The following PRUNE2 variants were observed in gnomAD, a reference collection of about 807,000 sequenced individuals.
PRUNE2 encodes the protein prune homolog 2 with BCH domain, also known as protein prune homolog 2.
Under a neutral mutation model 252.0 loss-of-function variants are expected in PRUNE2, and 164 were observed. That is an observed-to-expected ratio of 0.65 (90% CI 0.57 to 0.74). The LOEUF (loss-of-function observed/expected upper bound fraction) is 0.74, where lower values mean the gene tolerates loss of function less well. Ranked by LOEUF, PRUNE2 falls within the 30% of genes least tolerant of loss-of-function variation. The pLI, the probability that PRUNE2 is intolerant of heterozygous loss-of-function variation, is 0.00. For synonymous variants in PRUNE2, 1,292 were observed against 1,350.2 expected (o/e 0.96, Z 0.94); for missense variants, 3,495 against 3,711.0 (o/e 0.94, Z 1.51).
intron 4 of PRUNE2, among the ~76,000 whole-genome samples, chr9:76,840,768 G>A (rs567322719): frequency 1.3e-5 from 2 of 152,288 alleles, no homozygotes; most frequent in South Asian, 4.1e-4. Flanking sequence ...ATCACCTGAG[G>A]TCAGGAGTTC....
At position 76,831,999 on chromosome 9, in the gene PRUNE2, G is replaced by C. The variant is rs901554636; in HGVS notation, c.509-5267C>G. 1.3e-4 allele frequency among the ~76,000 whole-genome samples: 20 copies of C among 152,186 alleles called. No individual in the cohort carries two copies. The South Asian group carries it at 3.9e-3, about 30-fold the overall frequency. Reference sequence around the variant, plus strand: ...TCAAACAAAACGGACTACAAAACAAGAAGAATTACATGAGATTAAGATAAA... The same window carrying C: ...TCAAACAAAACGGACTACAAAACAACAAGAATTACATGAGATTAAGATAAA... On this transcript the variant is annotated intron_variant, in intron 4 of 18. Transcript: ENST00000376718.
chr9:76,637,519 T>G lies in PRUNE2; in HGVS notation c.8862A>C (p.Val2954=). The change falls in exon 14 of 19, where the codon GTA becomes GTC. Residue 2954 remains valine (V), a synonymous_variant. Coordinates refer to ENST00000376718, the MANE Select transcript of PRUNE2 (RefSeq NM_015225.3). Reference sequence around the variant, plus strand: ...AGTACACAATCATATAGTCTTCAGCTACCATCAACTCTAAAGTACTTATTA... The same window carrying G: ...AGTACACAATCATATAGTCTTCAGCGACCATCAACTCTAAAGTACTTATTA... ...LYVISTLELM[V]AEDYMIVYLN... The G allele has an allele frequency of 6.2e-7, 1 of 1,613,392 alleles. No homozygotes were observed. The highest frequency in any genetic ancestry group is 1.1e-5 in the South Asian group (1 of 91,074).
At chr9:76,662,577 G>T (rs1314873387) in intron 9 of PRUNE2, among the ~76,000 whole-genome samples, 9 of 152,182 alleles carry the variant, frequency 5.9e-5, no homozygotes, top group African/African-American at 2.2e-4. Flanking sequence ...AACAGGAAAT[G>T]AGCAGTGAGC....
At chr9:76,826,477 A>C in intron 5 of PRUNE2, 103 bp downstream of exon 5, 1 of 907,320 alleles carries the variant, frequency 1.1e-6, no homozygotes, top group South Asian at 2.0e-5. Flanking sequence ...TGTATAAAAA[A>C]CAAACAAAGA....
intron 12 of PRUNE2, among the ~76,000 whole-genome samples, chr9:76,638,787 C>T (rs6560537): frequency 0.85 from 128,961 of 152,204 alleles, 54,935 homozygotes; most frequent in African/African-American, 0.93. Context: ...TGAAGTGCAA[C>T]ATAATCTCTC....
Position 76,692,396 on chromosome 9 carries a change from G to A in PRUNE2, c.8276+10941C>T, listed in dbSNP as rs375729426. 2.7e-5 allele frequency: 13 copies of A among 490,312 alleles called. No homozygotes were observed. The East Asian group carries it at 3.2e-4, about 12-fold the overall frequency. 30.4% of individuals were successfully genotyped at this position (490,312 alleles called of 1,614,324 possible). On this transcript the variant is annotated intron_variant, in intron 9 of 18. Coordinates refer to ENST00000376718, the MANE Select transcript of PRUNE2 (RefSeq NM_015225.3). ...GAAAACTGCTGCTACTCCTGCTCCC[G>A]AGTGAGACTGGATGTGAATGGGCTC...
In PRUNE2 at chr9:76,652,578, G is replaced by C. The variant is rs1206898432; in HGVS notation, c.8462C>G (p.Ser2821Cys). ...ATCTGGACTGTCCAAGTTATCATCAGAGAGAATAGATCCTTCACTTTGGTC... is the reference window on the plus strand; with the variant it reads ...ATCTGGACTGTCCAAGTTATCATCACAGAGAATAGATCCTTCACTTTGGTC... Reference protein sequence around the residue: ...SLDQSEGSILSDDNLDSPDEI... With the variant: ...SLDQSEGSILCDDNLDSPDEI... Residue 2821 changes from serine to cysteine, a missense_variant, in exon 11 of 19, where the codon TCT (serine) becomes TGT (cysteine). Transcript: ENST00000376718. 6.2e-7 allele frequency: 1 copy of C among 1,612,834 alleles called. No individual in the cohort carries two copies. Among genetic ancestry groups the C allele is most frequent in the Admixed American group, 1.7e-5 (1 of 59,992 alleles).
chr9:76,783,287 C>A (rs189799429), intron 6 of PRUNE2, among the ~76,000 whole-genome samples: 3 of 152,176 alleles, frequency 2.0e-5, no homozygotes, highest in African/African-American at 7.2e-5. Flanking sequence ...CAGGCATGCA[C>A]CAGCACGCCC....
chr9:76,837,962 G>A (rs958221587), intron 4 of PRUNE2, among the ~76,000 whole-genome samples: 235 of 151,688 alleles, frequency 1.5e-3, no homozygotes, highest in Non-Finnish European at 2.4e-3. Context: ...TAGTAGAGAC[G>A]GGGTTTCACC....
At chr9:76,749,958 T>C (rs2050469388) in intron 6 of PRUNE2, among the ~76,000 whole-genome samples, 1 of 152,108 alleles carries the variant, frequency 6.6e-6, no homozygotes, top group African/African-American at 2.4e-5. Flanking sequence ...TCCCTTAGAA[T>C]TTCCCGGGTG....
chr9:76,694,789 G>C (rs1203078119), intron 9 of PRUNE2, among the ~76,000 whole-genome samples: 1 of 151,824 alleles, frequency 6.6e-6, no homozygotes, highest in Non-Finnish European at 1.5e-5. Context: ...AAGAATTACT[G>C]CTTAACTGCA....
rs201108342 is a variant in PRUNE2 at position 76,710,640 on chromosome 9, T to A, written c.1634A>T (p.Asn545Ile). ...GPEGLDGMGT[N>I]MSNYSSSSLL... ...TGAACTGGATGAATAATTAGACATG[T>A]TGGTTCCCATGCCATCAAGTCCTTC... Residue 545 changes from asparagine (N) to isoleucine (I), a missense_variant, in exon 8 of 19, where the codon AAC (asparagine) becomes ATC (isoleucine). Transcript: ENST00000376718. The A allele has an allele frequency of 1.2e-4, 194 of 1,613,056 alleles. 3 individuals are homozygous for A. In the Middle Eastern group the frequency reaches 1.5e-3, roughly 12 times the overall value.
At chr9:76,857,045 C>T (rs764197290) in intron 1 of PRUNE2, 22 of 455,812 alleles carry the variant, frequency 4.8e-5, no homozygotes, top group Middle Eastern at 3.3e-4. Flanking sequence ...TGAGCCACCG[C>T]GCCTGGCCAA....
intron 6 of PRUNE2, among the ~76,000 whole-genome samples, chr9:76,730,715 T>C (rs1249080623): frequency 1.3e-5 from 2 of 152,126 alleles, no homozygotes; most frequent in African/African-American, 4.8e-5. Flanking sequence ...GCCTGACCAA[T>C]ATGGTGAAAC....
chr9:76,854,942 T>A (rs1476135387), intron 1 of PRUNE2, among the ~76,000 whole-genome samples: 1 of 151,128 alleles, frequency 6.6e-6, no homozygotes, highest in Non-Finnish European at 1.5e-5. Context: ...GGCACGTGCC[T>A]GTAGTTCCAG....
chr9:76,663,364 C>T (rs770277103), intron 9 of PRUNE2, among the ~76,000 whole-genome samples: 3 of 152,228 alleles, frequency 2.0e-5, no homozygotes, highest in Non-Finnish European at 4.4e-5. Context: ...GAGCTGGAAA[C>T]TGACTGCACA....
At chr9:76,783,226 T>C (rs1392012076) in intron 6 of PRUNE2, among the ~76,000 whole-genome samples, 1 of 152,182 alleles carries the variant, frequency 6.6e-6, no homozygotes, top group East Asian at 1.9e-4. Flanking sequence ...AACCTCCGCC[T>C]CCCATGTTCC....
At chr9:76,652,240 C>G in intron 11 of PRUNE2, 1 of 387,198 alleles carries the variant, frequency 2.6e-6, no homozygotes, top group East Asian at 3.8e-5. Flanking sequence ...AGCCCCAGTG[C>G]CTAGCATAAA....
chr9:76,619,498 T>C, intron 17 of PRUNE2, 111 bp from the exon 18 acceptor site: 4 of 728,810 alleles, frequency 5.5e-6, no homozygotes, highest in South Asian at 1.6e-5. Context: ...CCATTGCTAA[T>C]ACTGAACAAA....
Sources: allele counts gnomAD v4.1 joint callset (sites outside exome capture counted in the v4.1 genomes callset), GRCh38; gene constraint gnomAD v4.1.1; transcripts MANE v1.5; gene names NCBI Gene and HGNC (gene_info 2026-07-23, HGNC 2026-07-21).